SPOCK3: variants seen among roughly 807,000 people sequenced by gnomAD.
SPOCK3 encodes the protein SPARC (osteonectin), cwcv and kazal like domains proteoglycan 3, also known as testican-3.
A neutral mutation model predicts 56.6 loss-of-function variants in SPOCK3; 30 were observed. The observed-to-expected ratio is 0.53, with a 90% confidence interval of 0.40 to 0.72. SPOCK3 has a LOEUF of 0.72. Ranked by LOEUF, SPOCK3 falls within the 30% of genes least tolerant of loss-of-function variation. The probability of loss-of-function intolerance (pLI) is 0.00; values close to 1 mark genes in which losing one functional copy is unlikely to be tolerated. For missense variants in SPOCK3, 527 were observed against 530.0 expected (o/e 0.99, Z 0.06); for synonymous variants, 196 against 183.3 (o/e 1.07, Z -0.56).
chr4:166,838,692 C>A (rs999518425), intron 6 of SPOCK3, among the ~76,000 whole-genome samples: 1 of 143,900 alleles, frequency 6.9e-6, no homozygotes, highest in African/African-American at 2.6e-5. Context: ...GTGGCTCACG[C>A]CTATAACCCC....
intron 4 of SPOCK3, among the ~76,000 whole-genome samples, chr4:166,917,360 G>A (rs1737975844): frequency 6.6e-6 from 1 of 151,948 alleles, no homozygotes; most frequent in South Asian, 2.1e-4. Flanking sequence ...GAGAGATATG[G>A]TTTGGCTCTG....
intron 6 of SPOCK3, among the ~76,000 whole-genome samples, chr4:166,870,041 A>G (rs890924221): frequency 1.3e-5 from 2 of 152,082 alleles, no homozygotes; most frequent in South Asian, 2.1e-4. Flanking sequence ...AAAGTTCTCC[A>G]CATGACCCTG....
chr4:166,799,400 G>A (rs1742306549), intron 6 of SPOCK3, among the ~76,000 whole-genome samples: 1 of 152,088 alleles, frequency 6.6e-6, no homozygotes, highest in African/African-American at 2.4e-5. Context: ...AGTAACAGCA[G>A]CTTTGAAGGC....
chr4:166,876,059 T>C (rs1390984978), intron 6 of SPOCK3, among the ~76,000 whole-genome samples: 2 of 152,060 alleles, frequency 1.3e-5, no homozygotes, highest in South Asian at 2.1e-4. Flanking sequence ...GCACAACCTA[T>C]ATGGGATTGG....
At chr4:167,010,308 C>T (rs1200070648) in intron 3 of SPOCK3, among the ~76,000 whole-genome samples, 2 of 151,934 alleles carry the variant, frequency 1.3e-5, no homozygotes, top group African/African-American at 2.4e-5. Flanking sequence ...ATCACTTGAG[C>T]TCAAGAGTTT....
intron 4 of SPOCK3, among the ~76,000 whole-genome samples, chr4:166,978,753 C>T (rs999259456): frequency 6.6e-6 from 1 of 151,898 alleles, no homozygotes; most frequent in African/African-American, 2.4e-5. Context: ...CTCAAAGTAA[C>T]TTATTGAGTA....
chr4:167,218,631 C>G (rs1462402417), intron 2 of SPOCK3, among the ~76,000 whole-genome samples: 1 of 152,038 alleles, frequency 6.6e-6, no homozygotes, highest in Non-Finnish European at 1.5e-5. Flanking sequence ...ATTTTAGTCC[C>G]TAAAAACAAA....
intron 2 of SPOCK3, among the ~76,000 whole-genome samples, chr4:167,085,709 T>A (rs948866939): frequency 6.6e-6 from 1 of 152,096 alleles, no homozygotes. Flanking sequence ...AAAACTTTCC[T>A]TCATCATTTT....
In SPOCK3 at chr4:166,907,638, A is replaced by G. The variant is rs139305102; in HGVS notation, c.474+4982T>C. ...AAACAAAATCAGTGTAAGGAGAGGAAGGCTTTTCTGACAATTAGAACACTC... is the reference window on the plus strand; with the variant it reads ...AAACAAAATCAGTGTAAGGAGAGGAGGGCTTTTCTGACAATTAGAACACTC... On this transcript the variant is annotated intron_variant, in intron 5 of 10. Coordinates refer to ENST00000357545, the MANE Select transcript of SPOCK3 (RefSeq NM_001040159.2). Among the ~76,000 whole-genome samples, 360 of 152,238 alleles carry G rather than the reference A, an allele frequency of 2.4e-3. 1 individual carries two copies. The highest frequency in any genetic ancestry group is 3.5e-3 in the Non-Finnish European group (238 of 67,978).
chr4:166,980,731 C>T (rs80316919), intron 4 of SPOCK3, among the ~76,000 whole-genome samples: 16,676 of 152,234 alleles, frequency 0.11, 1,165 homozygotes, highest in Middle Eastern at 0.23. Flanking sequence ...TCAGATGTAC[C>T]GCAAGCAGCT....
chr4:167,206,249 G>A (rs558191587), intron 2 of SPOCK3, among the ~76,000 whole-genome samples: 3 of 152,034 alleles, frequency 2.0e-5, no homozygotes, highest in Middle Eastern at 3.4e-3. Flanking sequence ...ACTTGAACCC[G>A]GGAGTCGGGG....
At chr4:166,750,712 T>C (rs1041758256) in intron 8 of SPOCK3, among the ~76,000 whole-genome samples, 2 of 152,166 alleles carry the variant, frequency 1.3e-5, no homozygotes, top group African/African-American at 4.8e-5. Context: ...TGCACTTTTA[T>C]TTACCCATGA....
At chr4:167,062,389 T>A (rs932057960) in intron 3 of SPOCK3, 103 bp downstream of exon 3, 7 of 783,398 alleles carry the variant, frequency 8.9e-6, no homozygotes, top group African/African-American at 3.6e-5. Context: ...TAAGCTCTTC[T>A]ATTTAGTATT....
intron 8 of SPOCK3, among the ~76,000 whole-genome samples, chr4:166,748,250 G>A (rs1402528989): frequency 7.3e-6 from 1 of 136,864 alleles, no homozygotes; most frequent in Non-Finnish European, 1.5e-5. Context: ...ACAAGGCTAT[G>A]GTAACCAAAA....
intron 4 of SPOCK3, among the ~76,000 whole-genome samples, chr4:166,971,318 C>T (rs998106092): frequency 6.6e-6 from 1 of 152,012 alleles, no homozygotes; most frequent in Non-Finnish European, 1.5e-5. Context: ...TTGTTTAGCT[C>T]CAAAAAGAGA....
intron 4 of SPOCK3, among the ~76,000 whole-genome samples, chr4:166,992,764 G>A (rs895771194): frequency 2.6e-5 from 4 of 151,928 alleles, no homozygotes; most frequent in Non-Finnish European, 4.4e-5. Flanking sequence ...CCAGATTCTT[G>A]TCTATTTGGG....
At chr4:167,027,978 A>G (rs1242962803) in intron 3 of SPOCK3, among the ~76,000 whole-genome samples, 1 of 152,026 alleles carries the variant, frequency 6.6e-6, no homozygotes, top group African/African-American at 2.4e-5. Context: ...TTTATATTCA[A>G]TTGTGATCAC....
chr4:167,172,361 A>T lies in SPOCK3; in HGVS notation c.189+61624T>A, dbSNP rs143118637. ...TTCGCAGTTTGGAAGTAAATAATCA[A>T]ATACCATTTTTCATACCCAACAGAG... On this transcript the variant is annotated intron_variant, in intron 2 of 10. Transcript: ENST00000357545. Among the ~76,000 whole-genome samples the T allele has an allele frequency of 3.9e-5, 6 of 152,318 alleles. No individual in the cohort carries two copies. In the East Asian group the frequency reaches 1.2e-3, roughly 29 times the overall value.
At chr4:167,033,870 T>C (rs779193670) in intron 3 of SPOCK3, among the ~76,000 whole-genome samples, 11 of 152,074 alleles carry the variant, frequency 7.2e-5, no homozygotes, top group Non-Finnish European at 1.6e-4. Flanking sequence ...AAAATTATAA[T>C]ACATTCTTTA....
Sources: gnomAD v4.1 joint callset for allele counts (sites outside exome capture counted in the v4.1 genomes callset) on GRCh38, gnomAD v4.1.1 for gene constraint, MANE v1.5 for transcripts, NCBI Gene and HGNC (gene_info 2026-07-23, HGNC 2026-07-21) for gene names.